Variants in HECW2 observed in about 807,000 individuals in gnomAD.
HECW2 encodes E3 ubiquitin-protein ligase HECW2.
In HECW2, 61 loss-of-function variants were observed where a neutral mutation model predicts 175.2. That is an observed-to-expected ratio of 0.35 (90% confidence interval 0.28 to 0.43). The LOEUF is 0.43. HECW2 is among the 20% of genes least tolerant of loss of function. The pLI, the probability that HECW2 is intolerant of heterozygous loss-of-function variation, is 1.00. For synonymous variants in HECW2, 671 were observed against 731.0 expected (o/e 0.92, Z 1.32); for missense variants, 1,524 against 2,000.5 (o/e 0.76, Z 4.54).
chr2:196,507,610 G>A (rs1042706892), intron 1 of HECW2, among the ~76,000 whole-genome samples: 3 of 152,186 alleles, frequency 2.0e-5, no homozygotes, highest in African/African-American at 7.2e-5. Flanking sequence ...CTGACTTAAA[G>A]GAAATGCAAC....
intron 2 of HECW2, among the ~76,000 whole-genome samples, chr2:196,417,692 G>C (rs770569266): frequency 6.6e-6 from 1 of 152,206 alleles, no homozygotes; most frequent in Non-Finnish European, 1.5e-5. Flanking sequence ...CAAATCAGCA[G>C]TTACATCGAG....
intron 1 of HECW2, among the ~76,000 whole-genome samples, chr2:196,435,030 T>A (rs1695830877): frequency 6.6e-6 from 1 of 152,240 alleles, no homozygotes; most frequent in Non-Finnish European, 1.5e-5. Flanking sequence ...GCTAGGTTTA[T>A]AGCACTTGCA....
intron 1 of HECW2, 115 bp downstream of exon 1, chr2:196,593,393 G>C (rs1216170989): frequency 6.6e-6 from 1 of 151,656 alleles, no homozygotes; most frequent in Non-Finnish European, 1.5e-5. Context: ...CGACCCGCCT[G>C]CGTCGCCACC....
At chr2:196,497,631 A>G (rs1480858361) in intron 1 of HECW2, among the ~76,000 whole-genome samples, 1 of 152,148 alleles carries the variant, frequency 6.6e-6, no homozygotes, top group African/African-American at 2.4e-5. Context: ...TCTCCCCACC[A>G]AGGCTAGCTG....
chr2:196,393,158 A>C (rs1015391921), intron 2 of HECW2, among the ~76,000 whole-genome samples: 1 of 152,262 alleles, frequency 6.6e-6, no homozygotes, highest in African/African-American at 2.4e-5. Context: ...AAGATGGATT[A>C]AAGACTTAAA....
intron 2 of HECW2, among the ~76,000 whole-genome samples, chr2:196,410,236 C>A (rs1412576047): frequency 6.6e-6 from 1 of 152,136 alleles, no homozygotes; most frequent in Non-Finnish European, 1.5e-5. Flanking sequence ...TGGTCATGCG[C>A]TTTGAAAGAA....
chr2:196,240,336 C>A, intron 21 of HECW2, 113 bp downstream of exon 21: 1 of 682,346 alleles, frequency 1.5e-6, no homozygotes, highest in Non-Finnish European at 2.4e-6. Flanking sequence ...TGTATGAGAA[C>A]AGCACTTCCT....
chr2:196,393,372 G>A (rs1266066286), intron 2 of HECW2, among the ~76,000 whole-genome samples: 1 of 152,134 alleles, frequency 6.6e-6, no homozygotes, highest in Non-Finnish European at 1.5e-5. Flanking sequence ...GCAACCTACA[G>A]AATGGGAGAA....
chr2:196,311,754 G>A (rs1250499454), intron 10 of HECW2, among the ~76,000 whole-genome samples: 7 of 152,140 alleles, frequency 4.6e-5, no homozygotes, highest in East Asian at 3.9e-4. Flanking sequence ...CTGAGATCAC[G>A]CCACTGCACT....
chr2:196,574,233 C>T (rs1690483001), intron 1 of HECW2, among the ~76,000 whole-genome samples: 1 of 152,074 alleles, frequency 6.6e-6, no homozygotes. Context: ...AGTTCAAAAC[C>T]AGCCTGGCCA....
chr2:196,510,596 CT>C (rs58696760), intron 1 of HECW2, among the ~76,000 whole-genome samples: 150,245 of 150,674 alleles, frequency 1, 74,908 homozygotes, highest in East Asian at 1. Context: ...GTTATAATTC[CT>C]TTTTTTTTTT....
chr2:196,274,165 G>T, intron 15 of HECW2, 42 bp from the exon 16 acceptor site: 1 of 1,457,608 alleles, frequency 6.9e-7, no homozygotes, highest in Non-Finnish European at 9.6e-7. Context: ...CCAAGAGCCA[G>T]AATGCTCTAT....
chr2:196,295,231 G>A (rs1690762959), intron 13 of HECW2, among the ~76,000 whole-genome samples: 1 of 152,206 alleles, frequency 6.6e-6, no homozygotes, highest in Non-Finnish European at 1.5e-5. Context: ...TAGAGAGCAT[G>A]AGAGGATAGG....
intron 1 of HECW2, among the ~76,000 whole-genome samples, chr2:196,571,821 T>A (rs1224591578): frequency 6.6e-6 from 1 of 152,076 alleles, no homozygotes; most frequent in Non-Finnish European, 1.5e-5. Context: ...CACAAAGAGA[T>A]GTTTGTACAC....
chr2:196,393,420 T>C (rs1236854845), intron 2 of HECW2, among the ~76,000 whole-genome samples: 3 of 152,092 alleles, frequency 2.0e-5, no homozygotes, highest in African/African-American at 7.2e-5. Flanking sequence ...AGGGCTAATA[T>C]TGAGAATCTA....
intron 2 of HECW2, among the ~76,000 whole-genome samples, chr2:196,402,746 T>A (rs533465980): frequency 9.1e-4 from 138 of 151,926 alleles, no homozygotes; most frequent in African/African-American, 3.2e-3. Context: ...CTTGGAAATG[T>A]GAATATTGTA....
chr2:196,526,432 C>T (rs1449109522), intron 1 of HECW2, among the ~76,000 whole-genome samples: 2 of 150,558 alleles, frequency 1.3e-5, no homozygotes, highest in East Asian at 3.9e-4. Context: ...AATGTCCTCC[C>T]GTAGCTCAGA....
chr2:196,318,749 C>A lies in HECW2; in HGVS notation c.2141G>T (p.Ser714Ile), dbSNP rs763809486. ...AGSLPVVQVP[S>I]GEDEGPGAES... is the part of the protein sequence containing the mutation. ...TGCCCCTGGCCCTTCATCCTCCCCACTGGGCACCTGTACCACAGGTAAAGA... is the reference window on the plus strand; with the variant it reads ...TGCCCCTGGCCCTTCATCCTCCCCAATGGGCACCTGTACCACAGGTAAAGA... The change falls in exon 9 of 29, where the codon AGT becomes ATT. Residue 714 changes from serine (S) to isoleucine (I), a missense_variant. By Grantham distance (142) the Ser-to-Ile change is moderately radical. Around this residue, in one of 11 missense-constraint regions of HECW2, gnomAD observed 604 missense variants for 588.3 expected, o/e 1.03. Coordinates refer to ENST00000644978, the MANE Select transcript of HECW2 (RefSeq NM_001348768.2). 9 of 1,532,292 alleles carry A rather than the reference C, an allele frequency of 5.9e-6. No individual in the cohort carries two copies. In the Admixed American group the frequency reaches 1.9e-4, roughly 32 times the overall value. 94.9% of individuals were successfully genotyped at this position (1,532,292 alleles called of 1,614,324 possible).
At chr2:196,429,704 A>C (rs927079202) in intron 2 of HECW2, among the ~76,000 whole-genome samples, 2 of 152,208 alleles carry the variant, frequency 1.3e-5, no homozygotes, top group African/African-American at 4.8e-5. Context: ...GATGGAGGAC[A>C]ATTTCCTGAG....
Sources: allele counts gnomAD v4.1 joint callset (sites outside exome capture counted in the v4.1 genomes callset), GRCh38; gene constraint gnomAD v4.1.1; regional missense constraint gnomAD v4.1.1; transcripts MANE v1.5; gene names NCBI Gene and HGNC (gene_info 2026-07-23, HGNC 2026-07-21).